RCAN2: variants seen among roughly 807,000 people sequenced by gnomAD.
RCAN2 encodes the protein calcipressin-2.
Under a neutral mutation model 23.6 loss-of-function variants are expected in RCAN2, and 9 were observed. That is an observed-to-expected ratio of 0.38 (90% CI 0.23 to 0.67). The LOEUF is 0.67. Ranked by LOEUF, RCAN2 falls within the 30% of genes least tolerant of loss-of-function variation. The probability of loss-of-function intolerance (pLI) is 0.51; values close to 1 mark genes in which losing one functional copy is unlikely to be tolerated. For missense variants in RCAN2, 273 were observed against 302.3 expected (o/e 0.90, Z 0.72); for synonymous variants, 109 against 115.7 (o/e 0.94, Z 0.37).
chr6:46,467,641 T>C (rs1768425666), intron 1 of RCAN2, among the ~76,000 whole-genome samples: 1 of 152,242 alleles, frequency 6.6e-6, no homozygotes, highest in Admixed American at 6.5e-5. Context: ...ACTTTCTAGC[T>C]GTGTGACCTT....
intron 2 of RCAN2, among the ~76,000 whole-genome samples, chr6:46,264,978 G>C (rs1402047969): frequency 6.6e-6 from 1 of 152,220 alleles, no homozygotes; most frequent in African/African-American, 2.4e-5. Context: ...GTGACAGAAT[G>C]CAGATTTCAT....
At chr6:46,224,925 TC>T (rs1354379938) in intron 4 of RCAN2, among the ~76,000 whole-genome samples, 4 of 139,092 alleles carry the variant, frequency 2.9e-5, no homozygotes, top group South Asian at 2.5e-4. Context: ...ATGCTATCCC[TC>T]CCCCCCTTCC....
intron 2 of RCAN2, among the ~76,000 whole-genome samples, chr6:46,387,654 G>A (rs1341026520): frequency 2.6e-5 from 4 of 152,164 alleles, no homozygotes; most frequent in Admixed American, 2.0e-4. Flanking sequence ...CACTGTTGAT[G>A]GGACTGTAAA....
chr6:46,244,590 C>T (rs527520703), intron 4 of RCAN2, among the ~76,000 whole-genome samples: 1 of 152,252 alleles, frequency 6.6e-6, no homozygotes, highest in African/African-American at 2.4e-5. Context: ...ATCAGCTCCA[C>T]ATGAGTGAGC....
rs543393818 is a variant in RCAN2, at chr6:46,397,344, A to G, written c.225+59408T>C. Among the ~76,000 whole-genome samples, 4 of 150,640 alleles carry G rather than the reference A, an allele frequency of 2.7e-5. No homozygotes were observed. In the South Asian group the frequency reaches 8.5e-4, roughly 32 times the overall value. On this transcript the variant is annotated intron_variant, in intron 2 of 4. Transcript: ENST00000371374. ...TGTTGTGATTATAATCATTACACAA[A>G]TCTCCATATAGGATAAAATTTCACA...
intron 2 of RCAN2, among the ~76,000 whole-genome samples, chr6:46,399,530 G>A (rs1766189460): frequency 6.6e-6 from 1 of 151,598 alleles, no homozygotes; most frequent in Non-Finnish European, 1.5e-5. Flanking sequence ...CAACAAAAAT[G>A]TATTCTTTCA....
intron 1 of RCAN2, among the ~76,000 whole-genome samples, chr6:46,483,058 G>T (rs761705744): frequency 1.2e-4 from 18 of 152,102 alleles, no homozygotes; most frequent in African/African-American, 4.3e-4. Context: ...GGAGCACAGG[G>T]GAAACCGCTC....
intron 2 of RCAN2, among the ~76,000 whole-genome samples, chr6:46,291,640 CT>C (rs5875957): frequency 0.048 from 6,992 of 144,620 alleles, 469 homozygotes; most frequent in African/African-American, 0.15. Flanking sequence ...CCCTTACATT[CT>C]TTTTTTTTTT....
intron 4 of RCAN2, among the ~76,000 whole-genome samples, 154 bp downstream of exon 4, chr6:46,246,594 C>T (rs149554560): frequency 2.6e-5 from 4 of 152,336 alleles, no homozygotes; most frequent in East Asian, 1.9e-4. Flanking sequence ...GCTGCATTCT[C>T]ATCCATCATT....
chr6:46,226,283 C>A (rs973609707), intron 4 of RCAN2, among the ~76,000 whole-genome samples: 1 of 152,116 alleles, frequency 6.6e-6, no homozygotes, highest in Admixed American at 6.5e-5. Flanking sequence ...TTTTTTCGTT[C>A]CATATGAACT....
chr6:46,263,557 GTGTA>G (rs1264961457), intron 2 of RCAN2, among the ~76,000 whole-genome samples: 2,335 of 111,510 alleles, frequency 0.021, 92 homozygotes, highest in African/African-American at 0.1. Context: ...GTGTGTGTGT[GTGTA>G]TGTGTGTGTG....
chr6:46,393,467 A>T (rs1765994667), intron 2 of RCAN2, among the ~76,000 whole-genome samples: 1 of 152,172 alleles, frequency 6.6e-6, no homozygotes, highest in Non-Finnish European at 1.5e-5. Context: ...CCTTTGTCAG[A>T]TCTTCTGTCC....
At chr6:46,362,756 C>A (rs555030900) in intron 2 of RCAN2, among the ~76,000 whole-genome samples, 8 of 152,202 alleles carry the variant, frequency 5.3e-5, no homozygotes, top group Admixed American at 5.2e-4. Flanking sequence ...TACTTTGCAG[C>A]AATTCCTTCA....
At chr6:46,257,036 G>T (rs1427792623) in intron 2 of RCAN2, among the ~76,000 whole-genome samples, 1 of 152,184 alleles carries the variant, frequency 6.6e-6, no homozygotes, top group Non-Finnish European at 1.5e-5. Context: ...AAAAGATATT[G>T]TTATGCGGAG....
intron 2 of RCAN2, among the ~76,000 whole-genome samples, chr6:46,263,732 T>A (rs1265450314): frequency 6.9e-6 from 1 of 145,538 alleles, no homozygotes. Flanking sequence ...ATGTTGTTTC[T>A]AAAAAAAAAA....
intron 2 of RCAN2, among the ~76,000 whole-genome samples, chr6:46,327,344 C>T (rs891823791): frequency 6.6e-6 from 1 of 151,260 alleles, no homozygotes; most frequent in Non-Finnish European, 1.5e-5. Flanking sequence ...GGGAAAGATA[C>T]TGGCAGACAG....
chr6:46,409,226 T>G (rs1766486792), intron 2 of RCAN2, among the ~76,000 whole-genome samples: 1 of 152,198 alleles, frequency 6.6e-6, no homozygotes, highest in Admixed American at 6.5e-5. Context: ...ACACTTTCTT[T>G]TGAATAAAAT....
intron 2 of RCAN2, among the ~76,000 whole-genome samples, chr6:46,420,358 A>G (rs1427040482): frequency 6.6e-6 from 1 of 152,146 alleles, no homozygotes; most frequent in Non-Finnish European, 1.5e-5. Context: ...TTCTGTATCT[A>G]TATAGCACTG....
chr6:46,279,608 C>G (rs1038885748), intron 2 of RCAN2, among the ~76,000 whole-genome samples: 1 of 152,200 alleles, frequency 6.6e-6, no homozygotes, highest in Non-Finnish European at 1.5e-5. Flanking sequence ...GATCTTTGAT[C>G]AAAGTATTCT....
Sources: gnomAD v4.1 joint callset for allele counts (sites outside exome capture counted in the v4.1 genomes callset) on GRCh38, gnomAD v4.1.1 for gene constraint, MANE v1.5 for transcripts, NCBI Gene and HGNC (gene_info 2026-07-23, HGNC 2026-07-21) for gene names.